AGTR1: variants seen among roughly 807,000 people sequenced by gnomAD.
AGTR1 encodes angiotensin II receptor type 1.
A neutral mutation model predicts 19.4 loss-of-function variants in AGTR1; 16 were observed. That is an observed-to-expected ratio of 0.82 (90% CI 0.56 to 1.25). AGTR1 has a LOEUF of 1.25. AGTR1 is among the 50% of genes most tolerant of loss of function. The probability of loss-of-function intolerance (pLI) is 0.00; values close to 1 mark genes in which losing one functional copy is unlikely to be tolerated. For synonymous variants in AGTR1, 153 were observed against 154.9 expected, an observed-to-expected ratio of 0.99 and a Z score of 0.09; for missense variants, 373 against 431.9, an observed-to-expected ratio of 0.86 and a Z score of 1.21.
intron 2 of AGTR1, among the ~76,000 whole-genome samples, chr3:148,713,254 C>A (rs1327192183): frequency 6.6e-6 from 1 of 151,810 alleles, no homozygotes; most frequent in Non-Finnish European, 1.5e-5. Context: ...CATATTTAAT[C>A]ATTTTTTTTC....
intron 2 of AGTR1, among the ~76,000 whole-genome samples, chr3:148,737,669 T>C (rs1297044937): frequency 6.6e-6 from 1 of 152,224 alleles, no homozygotes; most frequent in East Asian, 1.9e-4. Flanking sequence ...TGCTACTTCC[T>C]TGTGCTTCCT....
intron 1 of AGTR1, among the ~76,000 whole-genome samples, chr3:148,701,251 A>T (rs1712318810): frequency 6.6e-6 from 1 of 152,206 alleles, no homozygotes; most frequent in African/African-American, 2.4e-5. Flanking sequence ...GTTAGTGACA[A>T]ATTAGACAAC....
intron 2 of AGTR1, among the ~76,000 whole-genome samples, chr3:148,728,917 G>T (rs1295661735): frequency 2.6e-5 from 4 of 152,182 alleles, no homozygotes; most frequent in Admixed American, 6.6e-5. Context: ...TGAAATTTCT[G>T]CTGGCTCAAA....
intron 2 of AGTR1, among the ~76,000 whole-genome samples, chr3:148,715,541 A>G (rs945645865): frequency 1.1e-4 from 17 of 152,180 alleles, no homozygotes; most frequent in African/African-American, 4.1e-4. Context: ...ATAAGAAATA[A>G]TCATGAGTAG....
chr3:148,714,764 G>C (rs992661345), intron 2 of AGTR1, among the ~76,000 whole-genome samples: 32 of 152,084 alleles, frequency 2.1e-4, no homozygotes, highest in Admixed American at 9.8e-4. Context: ...TTTTATGTCA[G>C]TTCCTTCTGG....
intron 2 of AGTR1, among the ~76,000 whole-genome samples, chr3:148,726,075 C>CA: frequency 6.6e-6 from 1 of 152,262 alleles, no homozygotes. Context: ...GTAGAGGCTT[C>CA]ATAATATTAT....
intron 2 of AGTR1, among the ~76,000 whole-genome samples, chr3:148,714,080 C>G (rs1033689880): frequency 6.6e-6 from 1 of 152,102 alleles, no homozygotes; most frequent in Non-Finnish European, 1.5e-5. Flanking sequence ...ATATTAAACA[C>G]TAGGTATTCC....
At chr3:148,734,381 C>CA (rs1466426878) in intron 2 of AGTR1, among the ~76,000 whole-genome samples, 8 of 152,160 alleles carry the variant, frequency 5.3e-5, no homozygotes, top group African/African-American at 1.9e-4. Context: ...ACCACTGTCA[C>CA]CACAGTTAGT....
chr3:148,724,642 T>C (rs1324147051), intron 2 of AGTR1, among the ~76,000 whole-genome samples: 1 of 152,186 alleles, frequency 6.6e-6, no homozygotes, highest in Non-Finnish European at 1.5e-5. Context: ...ACTTCCTGAC[T>C]CACAGGAGAT....
rs34337619 is a variant in AGTR1 at position 148,720,037 on chromosome 3, A to T, written c.-48+12010A>T. On this transcript the variant is annotated intron_variant, in intron 2 of 2. Coordinates refer to ENST00000349243, the MANE Select transcript of AGTR1 (RefSeq NM_000685.5). Reference sequence around the variant, plus strand: ...ATTGAAGTTTTGAGAAGTTGATCTCACATTTTAAAAATAGATTCAGTGTCA... The same window carrying T: ...ATTGAAGTTTTGAGAAGTTGATCTCTCATTTTAAAAATAGATTCAGTGTCA... Among the ~76,000 whole-genome samples the T allele has an allele frequency of 1.3e-3, 202 of 152,358 alleles. 2 individuals carry two copies. In the East Asian group the frequency reaches 0.016, roughly 12 times the overall value.
At chr3:148,706,021 T>C (rs1035648563) in intron 1 of AGTR1, among the ~76,000 whole-genome samples, 6 of 151,984 alleles carry the variant, frequency 3.9e-5, no homozygotes, top group Admixed American at 6.6e-5. Flanking sequence ...TGAGGATGAT[T>C]TTTTTTCTTT....
intron 2 of AGTR1, among the ~76,000 whole-genome samples, chr3:148,715,808 T>C (rs1355920171): frequency 1.3e-5 from 2 of 152,200 alleles, no homozygotes; most frequent in Non-Finnish European, 2.9e-5. Context: ...AAAGTTAGTT[T>C]ACCCTTGTAT....
intron 2 of AGTR1, among the ~76,000 whole-genome samples, chr3:148,725,039 A>C (rs1340747925): frequency 6.6e-6 from 1 of 152,194 alleles, no homozygotes; most frequent in Non-Finnish European, 1.5e-5. Context: ...GAAACAATAC[A>C]GTGTTGTATA....
chr3:148,737,961 G>A (rs1714661960), intron 2 of AGTR1, among the ~76,000 whole-genome samples: 1 of 152,224 alleles, frequency 6.6e-6, no homozygotes, highest in South Asian at 2.1e-4. Context: ...CTGAAAAAAA[G>A]GCTGATAGCT....
At position 148,736,773 on chromosome 3, in the gene AGTR1, C is replaced by G. The variant is rs555322043; in HGVS notation, c.-47-4216C>G. ...TTCCTTTCTCTAAGGGGAAATGGTG[C>G]TATGGAATTCATGTAAGCCACAGAG... On this transcript the variant is annotated intron_variant, in intron 2 of 2. Coordinates refer to ENST00000349243, the MANE Select transcript of AGTR1 (RefSeq NM_000685.5). 2.0e-5 allele frequency among the ~76,000 whole-genome samples: 3 copies of G among 152,204 alleles called. No homozygotes were observed. The East Asian group carries it at 5.8e-4, about 29-fold the overall frequency.
At chr3:148,732,136 C>T (rs1174366886) in intron 2 of AGTR1, among the ~76,000 whole-genome samples, 1 of 152,232 alleles carries the variant, frequency 6.6e-6, no homozygotes, top group East Asian at 1.9e-4. Context: ...CATTGCGCCC[C>T]CCTCTTCACA....
At position 148,709,290 on chromosome 3, in the gene AGTR1, G is replaced by T. The variant is rs1414365038; in HGVS notation, c.-48+1263G>T. Among the ~76,000 whole-genome samples, 3 of 152,012 alleles carry T rather than the reference G, an allele frequency of 2.0e-5. No individual in the cohort carries two copies. In the East Asian group the frequency reaches 5.8e-4, roughly 29 times the overall value. ...AAAAGTATTGAACAGAAGGAGTTTTGTCCATGATATCCCATCAGCCCACTA... is the reference window on the plus strand; with the variant it reads ...AAAAGTATTGAACAGAAGGAGTTTTTTCCATGATATCCCATCAGCCCACTA... On this transcript the variant is annotated intron_variant, in intron 2 of 2. Transcript: ENST00000349243.
chr3:148,715,215 A>G (rs1361885877), intron 2 of AGTR1, among the ~76,000 whole-genome samples: 1 of 152,176 alleles, frequency 6.6e-6, no homozygotes, highest in Non-Finnish European at 1.5e-5. Context: ...TTATTTTTCA[A>G]TGGTAGCATT....
intron 1 of AGTR1, among the ~76,000 whole-genome samples, chr3:148,699,580 ATAGT>A (rs1712201523): frequency 7.2e-6 from 1 of 138,736 alleles, no homozygotes; most frequent in Admixed American, 6.8e-5. Context: ...TTGCTGTGTG[ATAGT>A]AAGAGCATTA....
Sources: gnomAD v4.1 joint callset for allele counts (sites outside exome capture counted in the v4.1 genomes callset) on GRCh38, gnomAD v4.1.1 for gene constraint, MANE v1.5 for transcripts, NCBI Gene and HGNC (gene_info 2026-07-23, HGNC 2026-07-21) for gene names.